PPARGC1A: variants seen among roughly 807,000 people sequenced by gnomAD.
PPARGC1A encodes the protein peroxisome proliferator-activated receptor gamma coactivator 1-alpha.
A neutral mutation model predicts 88.7 loss-of-function variants in PPARGC1A; 25 were observed. The observed-to-expected ratio is 0.28, with a 90% CI of 0.21 to 0.39. The LOEUF (loss-of-function observed/expected upper bound fraction) is 0.39. PPARGC1A is among the 10% of genes least tolerant of loss of function. PPARGC1A has a pLI of 1.00. For synonymous variants in PPARGC1A, 363 were observed against 355.6 expected, an observed-to-expected ratio of 1.02 and a Z score of -0.24; for missense variants, 880 against 968.7, an observed-to-expected ratio of 0.91 and a Z score of 1.22.
the PPARGC1A span, among the ~76,000 whole-genome samples, chr4:24,101,963 A>G: frequency 4.0e-5 from 6 of 151,742 alleles, no homozygotes. Context: ...CCACGCCCTC[A>G]TGGTCTTGTG....
At chr4:24,138,136 C>T in the PPARGC1A span, among the ~76,000 whole-genome samples, 1 of 152,172 alleles carries the variant, frequency 6.6e-6, no homozygotes, top group South Asian at 2.1e-4. Context: ...AAACCAGCTA[C>T]AAGATGTCTA....
At chr4:23,858,342 G>A (rs1369217133) in intron 2 of PPARGC1A, among the ~76,000 whole-genome samples, 1 of 152,102 alleles carries the variant, frequency 6.6e-6, no homozygotes, top group Admixed American at 6.5e-5. Context: ...CACATGATAG[G>A]TGATCAGTAA....
chr4:24,257,586 C>A, the PPARGC1A span, among the ~76,000 whole-genome samples: 9 of 152,188 alleles, frequency 5.9e-5, no homozygotes, highest in Non-Finnish European at 1.5e-5. Flanking sequence ...TTTGCCATTG[C>A]ATGGGTAGGA....
chr4:24,157,872 C>A, the PPARGC1A span, among the ~76,000 whole-genome samples: 1 of 152,210 alleles, frequency 6.6e-6, no homozygotes, highest in South Asian at 2.1e-4. Context: ...CTCTACTCTG[C>A]AGCCAGAAAA....
chr4:24,023,216 G>A, the PPARGC1A span, among the ~76,000 whole-genome samples: 1 of 152,096 alleles, frequency 6.6e-6, no homozygotes, highest in Non-Finnish European at 1.5e-5. Context: ...GTTTGCATTA[G>A]TCATCACTGT....
chr4:24,117,201 T>C, the PPARGC1A span, among the ~76,000 whole-genome samples: 1 of 152,196 alleles, frequency 6.6e-6, no homozygotes, highest in African/African-American at 2.4e-5. Context: ...GAAGCCCAAA[T>C]GGCTGGGTTC....
At chr4:24,093,873 G>A in the PPARGC1A span, among the ~76,000 whole-genome samples, 9 of 152,202 alleles carry the variant, frequency 5.9e-5, no homozygotes, top group East Asian at 1.7e-3. Context: ...TGTGTGTAAA[G>A]GGGAAGTATG....
At chr4:24,244,118 C>A in the PPARGC1A span, among the ~76,000 whole-genome samples, 1 of 152,154 alleles carries the variant, frequency 6.6e-6, no homozygotes, top group Non-Finnish European at 1.5e-5. Flanking sequence ...CTCTTCCAGG[C>A]CCCTCACCAT....
upstream of PPARGC1A, among the ~76,000 whole-genome samples, chr4:23,909,037 A>G (rs1720408084): frequency 6.6e-6 from 1 of 152,206 alleles, no homozygotes; most frequent in African/African-American, 2.4e-5. Flanking sequence ...CAATCAAAAT[A>G]TCCACATGTG....
the PPARGC1A span, among the ~76,000 whole-genome samples, chr4:24,277,036 T>C: frequency 6.6e-6 from 1 of 152,156 alleles, no homozygotes; most frequent in African/African-American, 2.4e-5. Context: ...CAGGGATACC[T>C]TCAAAGGTAT....
At chr4:24,283,110 C>A in the PPARGC1A span, among the ~76,000 whole-genome samples, 7 of 152,156 alleles carry the variant, frequency 4.6e-5, no homozygotes, top group African/African-American at 1.7e-4. Context: ...GATTCCTCTA[C>A]AAGCCACCCC....
At chr4:24,200,109 A>T in the PPARGC1A span, among the ~76,000 whole-genome samples, 1 of 152,222 alleles carries the variant, frequency 6.6e-6, no homozygotes, top group Admixed American at 6.5e-5. Context: ...TATTAAAAAT[A>T]TAGATAAATA....
At chr4:24,408,069 C>T in the PPARGC1A span, among the ~76,000 whole-genome samples, 1 of 152,080 alleles carries the variant, frequency 6.6e-6, no homozygotes, top group Non-Finnish European at 1.5e-5. Flanking sequence ...TAGACATACA[C>T]ACCACCACCC....
At chr4:24,292,510 TTC>T in the PPARGC1A span, among the ~76,000 whole-genome samples, 4 of 41,312 alleles carry the variant, frequency 9.7e-5, no homozygotes, top group African/African-American at 9.9e-5. Flanking sequence ...CCCCCACCCC[TTC>T]CTGTGCTCCT....
chr4:23,877,953 C>G (rs369738097), intron 2 of PPARGC1A: 3 of 152,292 alleles, frequency 2.0e-5, no homozygotes, highest in African/African-American at 7.2e-5. Context: ...TACAAATAGA[C>G]AGTTTGTCCA....
the PPARGC1A span, among the ~76,000 whole-genome samples, chr4:24,095,115 C>CTTTTTTTTTTTTTTTTT: frequency 1.6e-5 from 2 of 122,408 alleles, no homozygotes; most frequent in African/African-American, 3.2e-5. Context: ...GAAATAGGGT[C>CTTTTTTTTTTTTTTTTT]TTTTTTTTTT....
At chr4:24,107,221 G>A in the PPARGC1A span, among the ~76,000 whole-genome samples, 39 of 152,178 alleles carry the variant, frequency 2.6e-4, no homozygotes, top group Non-Finnish European at 4.4e-4. Context: ...TTAATATACT[G>A]TATTCACTTG....
chr4:24,204,968 C>T, the PPARGC1A span, among the ~76,000 whole-genome samples: 3 of 152,100 alleles, frequency 2.0e-5, no homozygotes, highest in Non-Finnish European at 4.4e-5. Context: ...GATACAAGCA[C>T]CCGCCACCAC....
At chr4:24,405,411 T>C in the PPARGC1A span, among the ~76,000 whole-genome samples, 2 of 152,210 alleles carry the variant, frequency 1.3e-5, no homozygotes, top group African/African-American at 4.8e-5. Flanking sequence ...GCAAATTTGA[T>C]TTCCCTATAA....
Sources: gnomAD v4.1 joint callset for allele counts (sites outside exome capture counted in the v4.1 genomes callset) on GRCh38, gnomAD v4.1.1 for gene constraint, MANE v1.5 for transcripts, NCBI Gene and HGNC (gene_info 2026-07-23, HGNC 2026-07-21) for gene names.